OR6A2: variants seen among roughly 807,000 people sequenced by gnomAD.
OR6A2 encodes the protein olfactory receptor 6A2.
Under a neutral mutation model 7.1 loss-of-function variants are expected in OR6A2, and 6 were observed. The observed-to-expected ratio is 0.85, with a 90% confidence interval of 0.46 to 1.68. OR6A2 has a LOEUF of 1.68. Ranked by LOEUF, OR6A2 falls within the 40% of genes most tolerant of loss-of-function variation. The probability of loss-of-function intolerance (pLI) is 0.01; values close to 1 mark genes in which losing one functional copy is unlikely to be tolerated. For missense variants in OR6A2, 431 were observed against 398.0 expected, an observed-to-expected ratio of 1.08 and a Z score of -0.71; for synonymous variants, 162 against 152.1, an observed-to-expected ratio of 1.06 and a Z score of -0.48.
In OR6A2 at chr11:6,795,683, C is replaced by T. The variant is rs758983599; in HGVS notation, c.26G>A (p.Arg9Lys). ...GCCCAGCAACACAAACTCACTCACTCTCCCACTATGGTTCCGCCACTCCAT... is the reference window on the plus strand; with the variant it reads ...GCCCAGCAACACAAACTCACTCACTTTCCCACTATGGTTCCGCCACTCCAT... MEWRNHSGRVSEFVLLGFP... is the reference protein window; with the variant it reads MEWRNHSGKVSEFVLLGFP... The change falls in exon 2 of 2, where the codon AGA (arginine) becomes AAA (lysine). Residue 9 changes from arginine to lysine, a missense_variant. Physicochemically the swap from Arg to Lys is conservative, Grantham distance 26. Coordinates refer to ENST00000641196, the MANE Select transcript of OR6A2 (RefSeq NM_003696.3). 4 of 1,613,960 alleles carry T rather than the reference C, an allele frequency of 2.5e-6. No homozygotes were observed. Among genetic ancestry groups the T allele is most frequent in the Non-Finnish European group, 2.5e-6 (3 of 1,179,940 alleles).
rs369502059 is a variant in OR6A2, at chr11:6,799,614, T to C, written c.-247A>G. ...GGGTTGGTTAGGAGAGGATTTAAAA[T>C]GTATGCAAAAAAAGTTGAGTCATCG... On this transcript the variant is annotated 5_prime_UTR_variant, in exon 1 of 2. Transcript: ENST00000641196. 4.6e-5 allele frequency: 7 copies of C among 152,234 alleles called. No individual in the cohort carries two copies. In the East Asian group the frequency reaches 5.8e-4, roughly 13 times the overall value. 9.4% of individuals were successfully genotyped at this position (152,234 alleles called of 1,614,324 possible).
At chr11:6,798,413 T>C (rs1413683585) in intron 1 of OR6A2, among the ~76,000 whole-genome samples, 3 of 152,208 alleles carry the variant, frequency 2.0e-5, no homozygotes, top group Non-Finnish European at 4.4e-5. Flanking sequence ...GTCCTATTTC[T>C]ACTGCCTTCC....
At chr11:6,799,459 A>G (rs1046587556) in intron 1 of OR6A2, 85 bp downstream of exon 1, 2 of 152,208 alleles carry the variant, frequency 1.3e-5, no homozygotes, top group African/African-American at 4.8e-5. Flanking sequence ...AGGAATAAGA[A>G]GATGGCTATA....
rs910471277 is a variant in OR6A2 at position 6,799,305 on chromosome 11, C to T, written c.-177+239G>A. Among the ~76,000 whole-genome samples the T allele has an allele frequency of 2.6e-5, 4 of 151,972 alleles. No individual in the cohort carries two copies. In the South Asian group the frequency reaches 6.2e-4, roughly 24 times the overall value. On this transcript the variant is annotated intron_variant, in intron 1 of 1. Transcript: ENST00000641196. ...GACTGGAAATGGATGATCAAAAATA[C>T]TGTAGGGAGAACAGGTATATTATGA...
At chr11:6,798,329 T>C (rs750563501) in intron 1 of OR6A2, among the ~76,000 whole-genome samples, 3 of 152,182 alleles carry the variant, frequency 2.0e-5, no homozygotes, top group Non-Finnish European at 4.4e-5. Flanking sequence ...CCAACACACA[T>C]CCCACACTTA....
Position 6,795,670 on chromosome 11 carries a change from A to G in OR6A2, c.39T>C (p.Phe13=). Reference sequence around the variant, plus strand: ...CAGGAGCAGGGAAGCCCAGCAACACAAACTCACTCACTCTCCCACTATGGT... The same window carrying G: ...CAGGAGCAGGGAAGCCCAGCAACACGAACTCACTCACTCTCCCACTATGGT... ...WRNHSGRVSE[F]VLLGFPAPAP... is the part of the protein sequence containing the mutation. The change falls in exon 2 of 2, where the codon TTT becomes TTC. Residue 13 remains phenylalanine, a synonymous_variant. Transcript: ENST00000641196. 1.2e-6 allele frequency: 2 copies of G among 1,614,030 alleles called. No homozygotes were observed. Among genetic ancestry groups the G allele is most frequent in the South Asian group, 1.1e-5 (1 of 91,078 alleles).
Position 6,794,721 on chromosome 11 carries a change from C to T in OR6A2, c.*4G>A, listed in dbSNP as rs1463457433. The T allele has an allele frequency of 4.3e-6, 7 of 1,610,354 alleles. No homozygotes were observed. The highest frequency in any genetic ancestry group is 1.7e-5 in the Admixed American group (1 of 59,792). On this transcript the variant is annotated 3_prime_UTR_variant, in exon 2 of 2. Transcript: ENST00000641196. Reference sequence around the variant, plus strand: ...AGCATTTTATCAGATTTCACACATCCCTTCTATACATTTCTGCTAGCTTTC... The same window carrying T: ...AGCATTTTATCAGATTTCACACATCTCTTCTATACATTTCTGCTAGCTTTC...
Position 6,795,447 on chromosome 11 carries a change from C to G in OR6A2, c.262G>C (p.Gly88Arg). The G allele has an allele frequency of 6.2e-7, 1 of 1,613,996 alleles. No homozygotes were observed. The change falls in exon 2 of 2, where the codon GGA becomes CGA. Residue 88 changes from glycine to arginine, a missense_variant. Coordinates refer to ENST00000641196, the MANE Select transcript of OR6A2 (RefSeq NM_003696.3). The stretch of plus-strand genomic sequence containing the variant: ...AGCTGTCCATGATCCTGTTTGGATC[C>G]AACAAAGCCAGCAAGCATCTTGGGA... ...TIPKMLAGFV[G>R]SKQDHGQLIS...
At position 6,795,309 on chromosome 11, in the gene OR6A2, G is replaced by C. The variant is rs1318715445; in HGVS notation, c.400C>G (p.Pro134Ala). 1 of 1,614,048 alleles carries C rather than the reference G, an allele frequency of 6.2e-7. No individual in the cohort carries two copies. ...AYDRYMAICY[P>A]LHYPVIVSGR... ...CTGACAATGACTGGGTAGTGGAGAG[G>C]ATAGCAGATGGCCATATAGCGATCA... Residue 134 changes from proline (P) to alanine (A), a missense_variant, in exon 2 of 2, where the codon CCT becomes GCT. Transcript: ENST00000641196.
rs749756656 is a variant in OR6A2, at chr11:6,794,931, T to C, written c.778A>G (p.Ser260Gly). Reference protein sequence around the residue: ...LTVVIIFYAASIFIYARPKAL... With the variant: ...LTVVIIFYAAGIFIYARPKAL... ...TTTGGCCGAGCATAGATGAAGATAC[T>C]GGCTGCATAGAAGATTATCACAACA... Residue 260 changes from serine (S) to glycine (G), a missense_variant, in exon 2 of 2, where the codon AGT (serine) becomes GGT (glycine). Transcript: ENST00000641196. 55 of 1,614,030 alleles carry C rather than the reference T, an allele frequency of 3.4e-5. No individual in the cohort carries two copies. Among genetic ancestry groups the C allele is most frequent in the Non-Finnish European group, 4.2e-5 (49 of 1,180,010 alleles).
At chr11:6,797,614 T>C (rs528268) in intron 1 of OR6A2, among the ~76,000 whole-genome samples, 18,915 of 152,172 alleles carry the variant, frequency 0.12, 1,374 homozygotes, top group South Asian at 0.23. Flanking sequence ...AACTGATTTT[T>C]CTGCTTATAG....
chr11:6,794,072 C>T lies in OR6A2; in HGVS notation c.*653G>A, dbSNP rs565748451. On this transcript the variant is annotated 3_prime_UTR_variant, in exon 2 of 2. Coordinates refer to ENST00000641196, the MANE Select transcript of OR6A2 (RefSeq NM_003696.3). ...CATGCCTTGCCTACATGGTTCCAAA[C>T]TATATTCATTCATTATACATATTCA... The T allele has an allele frequency of 9.1e-4, 139 of 152,462 alleles. No individual in the cohort carries two copies. Among genetic ancestry groups the T allele is most frequent in the African/African-American group, 3.1e-3 (129 of 41,548 alleles). 9.4% of individuals were successfully genotyped at this position (152,462 alleles called of 1,614,324 possible).
intron 1 of OR6A2, among the ~76,000 whole-genome samples, chr11:6,798,288 C>G (rs1847767401): frequency 2.0e-5 from 3 of 152,132 alleles, no homozygotes; most frequent in African/African-American, 7.2e-5. Flanking sequence ...TGGAAGTTTC[C>G]TAGATATTCT....
rs753537796 is a variant in OR6A2, at chr11:6,795,703, C to T, written c.6G>A (p.Glu2=). M[E]WRNHSGRVSE... ...TCACTCTCCCACTATGGTTCCGCCACTCCATGTCATTGGTCTCTCTTACTG... is the reference window on the plus strand; with the variant it reads ...TCACTCTCCCACTATGGTTCCGCCATTCCATGTCATTGGTCTCTCTTACTG... The change falls in exon 2 of 2, where the codon GAG becomes GAA. Residue 2 remains glutamate (E), a synonymous_variant. Transcript: ENST00000641196. 6 of 1,613,492 alleles carry T rather than the reference C, an allele frequency of 3.7e-6. No homozygotes were observed. The highest frequency in any genetic ancestry group is 5.1e-6 in the Non-Finnish European group (6 of 1,179,798).
At position 6,795,057 on chromosome 11, in the gene OR6A2, CAG is replaced by C. The variant is rs71946386; in HGVS notation, c.650_651del (p.Ser217CysfsTer24). On this transcript the variant is annotated frameshift_variant, in exon 2 of 2. Transcript: ENST00000641196. LOFTEE classifies it high-confidence loss of function. ...ATGGCCACATAGGAGGCCCCAGTGA[CAG>C]AGAGTGGCCCTAGAAGAATAAAAAT... ...LAIFILLGPL[S>X]VTGASYVAIT... 2,706 of 1,614,054 alleles carry C rather than the reference CAG, an allele frequency of 1.7e-3. 56 individuals are homozygous for C. The African/African-American group carries it at 0.031, about 19-fold the overall frequency.
In OR6A2 at chr11:6,799,662, G is replaced by T. The variant is rs1847781646; in HGVS notation, c.-295C>A. On this transcript the variant is annotated 5_prime_UTR_variant, in exon 1 of 2. Transcript: ENST00000641196. Reference sequence around the variant, plus strand: ...TCGGGACTAAGAAAGATGATACAGAGATTCCACTTTCTCTTCCTCCCATAG... The same window carrying T: ...TCGGGACTAAGAAAGATGATACAGATATTCCACTTTCTCTTCCTCCCATAG... 2 of 152,150 alleles carry T rather than the reference G, an allele frequency of 1.3e-5. No homozygotes were observed. Among genetic ancestry groups the T allele is most frequent in the African/African-American group, 2.4e-5 (1 of 41,430 alleles). The allele number at this position is 152,150 out of a possible 1,614,324, so 9.4% of individuals were successfully genotyped here.
In OR6A2 at chr11:6,794,496, G is replaced by T; in HGVS notation, c.*229C>A. 1 of 527,978 alleles carries T rather than the reference G, an allele frequency of 1.9e-6. No homozygotes were observed. Among genetic ancestry groups the T allele is most frequent in the South Asian group, 3.2e-5 (1 of 31,470 alleles). The allele number at this position is 527,978 out of a possible 1,614,324, so 32.7% of individuals were successfully genotyped here. A position where few individuals can be genotyped will look rare whatever the true frequency, so the allele number is the denominator to read the frequency against. On this transcript the variant is annotated 3_prime_UTR_variant, in exon 2 of 2. Transcript: ENST00000641196. ...AATTACAAAGGGACAGACAATAGTGGACCCAGCTCTATCCTGTATTTTATG... is the reference window on the plus strand; with the variant it reads ...AATTACAAAGGGACAGACAATAGTGTACCCAGCTCTATCCTGTATTTTATG...
intron 1 of OR6A2, among the ~76,000 whole-genome samples, chr11:6,796,803 A>G (rs2133035701): frequency 6.6e-6 from 1 of 152,306 alleles, no homozygotes; most frequent in African/African-American, 2.4e-5. Flanking sequence ...CATGTAGACA[A>G]GAAGTTGGGA....
chr11:6,794,609 A>G lies in OR6A2; in HGVS notation c.*116T>C. 2 of 1,329,032 alleles carry G rather than the reference A, an allele frequency of 1.5e-6. No homozygotes were observed. Among genetic ancestry groups the G allele is most frequent in the Admixed American group, 4.5e-5 (2 of 44,708 alleles). 82.3% of individuals were successfully genotyped at this position (1,329,032 alleles called of 1,614,324 possible). A position where few individuals can be genotyped will look rare whatever the true frequency, so the allele number is the denominator to read the frequency against. Reference sequence around the variant, plus strand: ...AGTTAAAGAAAGTATTCCTAGTTCCATAGTGATGCCTTTGAAACTCTGGCC... The same window carrying G: ...AGTTAAAGAAAGTATTCCTAGTTCCGTAGTGATGCCTTTGAAACTCTGGCC... On this transcript the variant is annotated 3_prime_UTR_variant, in exon 2 of 2. Coordinates refer to ENST00000641196, the MANE Select transcript of OR6A2 (RefSeq NM_003696.3).
Sources: allele counts gnomAD v4.1 joint callset (sites outside exome capture counted in the v4.1 genomes callset), GRCh38; gene constraint gnomAD v4.1.1; transcripts MANE v1.5; gene names NCBI Gene and HGNC (gene_info 2026-07-23, HGNC 2026-07-21).